Variants in ODAD2 observed in about 807,000 individuals in gnomAD.
ODAD2 encodes outer dynein arm docking complex subunit 2, also known as outer dynein arm-docking complex subunit 2.
In ODAD2, 89 loss-of-function variants were observed where a neutral mutation model predicts 106.8. The ratio of observed to expected loss-of-function variants is 0.83; its 90% CI spans 0.70 to 0.99. The LOEUF (loss-of-function observed/expected upper bound fraction) is 0.99. ODAD2 is among the 50% of genes least tolerant of loss of function. The pLI, the probability that ODAD2 is intolerant of heterozygous loss-of-function variation, is 0.00. For synonymous variants in ODAD2, 404 were observed against 436.2 expected (o/e 0.93, Z 0.92); for missense variants, 1,168 against 1,238.5 (o/e 0.94, Z 0.85).
At chr10:27,981,890 G>A (rs77744242) in intron 6 of ODAD2, 2,270 of 177,822 alleles carry the variant, frequency 0.013, 61 homozygotes, top group African/African-American at 0.051. Context: ...CCTTCTCTCC[G>A]CTCTCCTCTA....
intron 2 of ODAD2, among the ~76,000 whole-genome samples, chr10:27,993,546 A>T (rs1207435496): frequency 2.6e-5 from 4 of 152,094 alleles, no homozygotes; most frequent in Admixed American, 6.5e-5. Flanking sequence ...GCTACTTAGG[A>T]GGCTGAGGCA....
chr10:27,844,210 A>G (rs1325771223), intron 19 of ODAD2, among the ~76,000 whole-genome samples: 1 of 152,206 alleles, frequency 6.6e-6, no homozygotes, highest in East Asian at 1.9e-4. Flanking sequence ...AAAAAAAAGA[A>G]TAATTGGCAT....
At chr10:27,838,628 T>C (rs1043528773) in intron 19 of ODAD2, among the ~76,000 whole-genome samples, 1 of 152,222 alleles carries the variant, frequency 6.6e-6, no homozygotes, top group Non-Finnish European at 1.5e-5. Context: ...AAACGAAATA[T>C]AGATGAAAGA....
chr10:27,849,318 T>C (rs901492803), intron 19 of ODAD2, among the ~76,000 whole-genome samples: 6 of 150,460 alleles, frequency 4.0e-5, no homozygotes, highest in South Asian at 2.1e-4. Context: ...AACCAAAGAC[T>C]GCATGTTCTC....
At chr10:27,885,867 A>T (rs2133641754) in intron 17 of ODAD2, among the ~76,000 whole-genome samples, 1 of 111,186 alleles carries the variant, frequency 9.0e-6, no homozygotes, top group South Asian at 2.4e-4. Context: ...TTATATATAA[A>T]AATATATATT....
chr10:27,819,894 G>T (rs1016840127), intron 19 of ODAD2, among the ~76,000 whole-genome samples: 21 of 151,872 alleles, frequency 1.4e-4, no homozygotes, highest in Admixed American at 2.6e-4. Context: ...CTAGGCTTTT[G>T]TTTCTCTGAC....
intron 19 of ODAD2, among the ~76,000 whole-genome samples, chr10:27,829,925 A>G (rs1837345991): frequency 1.2e-5 from 1 of 86,238 alleles, no homozygotes; most frequent in South Asian, 3.7e-4. Flanking sequence ...GTATTCAGGC[A>G]GTAATTAAAA....
rs776293552 is a variant in ODAD2, at chr10:27,860,738, G to T, written c.2908C>A (p.Arg970Ser). The T allele has an allele frequency of 1.4e-5, 22 of 1,613,978 alleles. No individual in the cohort carries two copies. In the Admixed American group the frequency reaches 2.3e-4, roughly 17 times the overall value. ...GEHKAVAPLV[R>S]YLKSNDTNVH... ...TTGGTGTCATTTGATTTCAGATAAC[G>T]CACTAGTGGAGCCACTGCTTTGTGC... is the stretch of plus-strand genomic sequence containing the variant. Residue 970 changes from arginine (R) to serine (S), a missense_variant, in exon 19 of 20, where the codon CGT becomes AGT. By Grantham distance (110) the Arg-to-Ser change is moderately radical. This residue lies in a region of ODAD2 where 701 missense variants were observed against 712.3 expected (regional missense o/e 0.98). Coordinates refer to ENST00000305242, the MANE Select transcript of ODAD2 (RefSeq NM_018076.5).
chr10:27,873,889 G>A (rs1841108166), intron 17 of ODAD2, among the ~76,000 whole-genome samples: 1 of 152,146 alleles, frequency 6.6e-6, no homozygotes, highest in Admixed American at 6.6e-5. Flanking sequence ...GTGCAGAGCT[G>A]AGTTCAATTC....
At chr10:27,986,462 C>G (rs769686728) in intron 3 of ODAD2, among the ~76,000 whole-genome samples, 12 of 152,166 alleles carry the variant, frequency 7.9e-5, no homozygotes, top group Non-Finnish European at 1.6e-4. Flanking sequence ...AATCCTTCAT[C>G]TATTAACTAC....
At chr10:27,995,206 G>T in intron 1 of ODAD2, 26 bp from the exon 2 acceptor site, 2 of 1,579,152 alleles carry the variant, frequency 1.3e-6, no homozygotes, top group Non-Finnish European at 1.7e-6. Context: ...AAGAGAAAGA[G>T]ACAACAGCGT....
At chr10:27,885,795 T>TATATAAAAA (rs1842157706) in intron 17 of ODAD2, among the ~76,000 whole-genome samples, 1 of 62,048 alleles carries the variant, frequency 1.6e-5, no homozygotes, top group African/African-American at 6.2e-5. Context: ...TTATATATAA[T>TATATAAAAA]ATATATAAAA....
At chr10:27,829,736 T>C (rs1231717826) in intron 19 of ODAD2, among the ~76,000 whole-genome samples, 1 of 152,162 alleles carries the variant, frequency 6.6e-6, no homozygotes, top group African/African-American at 2.4e-5. Flanking sequence ...TGTTATAAAA[T>C]GATGCTTTTC....
intron 17 of ODAD2, among the ~76,000 whole-genome samples, chr10:27,879,466 AT>A (rs1207958843): frequency 9.2e-5 from 14 of 151,848 alleles, no homozygotes; most frequent in Admixed American, 9.2e-4. Context: ...ATGTATATAT[AT>A]TTAAATGTCT....
chr10:27,893,356 G>A (rs1842680053), intron 17 of ODAD2, among the ~76,000 whole-genome samples: 1 of 152,064 alleles, frequency 6.6e-6, no homozygotes, highest in African/African-American at 2.4e-5. Context: ...ATTTCACCAT[G>A]TCCACACCAC....
intron 16 of ODAD2, among the ~76,000 whole-genome samples, chr10:27,930,635 A>G (rs562419663): frequency 1.3e-5 from 2 of 152,022 alleles, no homozygotes; most frequent in African/African-American, 4.8e-5. Flanking sequence ...TCAAAAAAAA[A>G]AAAAAGAAAA....
chr10:27,905,435 T>C lies in ODAD2; in HGVS notation c.2610+2228A>G, dbSNP rs200513953. ...AGAAACAATATCATGAAAATGGCCA[T>C]ACTGCCCAAAGTAATTTATAGATTA... On this transcript the variant is annotated intron_variant, in intron 17 of 19. Coordinates refer to ENST00000305242, the MANE Select transcript of ODAD2 (RefSeq NM_018076.5). Among the ~76,000 whole-genome samples the C allele has an allele frequency of 9.2e-5, 14 of 152,244 alleles. No homozygotes were observed. The East Asian group carries it at 2.7e-3, about 29-fold the overall frequency.
chr10:27,889,742 C>T (rs554778174), intron 17 of ODAD2, among the ~76,000 whole-genome samples: 2 of 152,320 alleles, frequency 1.3e-5, no homozygotes, highest in East Asian at 3.9e-4. Context: ...ATTATGCATT[C>T]TCACAGTAGA....
chr10:27,885,687 TA>T (rs371016026), intron 17 of ODAD2, among the ~76,000 whole-genome samples: 2,855 of 60,826 alleles, frequency 0.047, 304 homozygotes, highest in Middle Eastern at 0.095. Context: ...ATATAATATA[TA>T]ATATATAATA....
Sources: allele counts gnomAD v4.1 joint callset (sites outside exome capture counted in the v4.1 genomes callset), GRCh38; gene constraint gnomAD v4.1.1; regional missense constraint gnomAD v4.1.1; transcripts MANE v1.5; gene names NCBI Gene and HGNC (gene_info 2026-07-23, HGNC 2026-07-21).